CHRM5: variants seen among roughly 807,000 people sequenced by gnomAD.
CHRM5 encodes muscarinic acetylcholine receptor M5.
Under a neutral mutation model 39.0 loss-of-function variants are expected in CHRM5, and 18 were observed. That is an observed-to-expected ratio of 0.46 (90% confidence interval 0.32 to 0.68). The LOEUF (loss-of-function observed/expected upper bound fraction) is 0.68. Ranked by LOEUF, CHRM5 falls within the 30% of genes least tolerant of loss-of-function variation. The pLI, the probability that CHRM5 is intolerant of heterozygous loss-of-function variation, is 0.04. For synonymous variants in CHRM5, 241 were observed against 246.3 expected, an observed-to-expected ratio of 0.98 and a Z score of 0.20; for missense variants, 515 against 651.1, an observed-to-expected ratio of 0.79 and a Z score of 2.28.
intron 1 of CHRM5, among the ~76,000 whole-genome samples, chr15:34,003,731 T>A (rs1897226267): frequency 6.6e-6 from 1 of 152,236 alleles, no homozygotes; most frequent in Non-Finnish European, 1.5e-5. Context: ...CAATGACTTG[T>A]GAAATGGAGT....
intron 1 of CHRM5, among the ~76,000 whole-genome samples, chr15:34,006,746 CAG>C (rs757951317): frequency 1.2e-3 from 179 of 152,200 alleles, no homozygotes; most frequent in Middle Eastern, 3.4e-3. Flanking sequence ...AATGCAGAGA[CAG>C]AGTTGTCATT....
chr15:34,047,241 C>G (rs1054873009), intron 2 of CHRM5, among the ~76,000 whole-genome samples: 6 of 152,058 alleles, frequency 3.9e-5, no homozygotes, highest in African/African-American at 1.4e-4. Flanking sequence ...CCATGCCCTG[C>G]TAACTTTTTG....
Position 34,064,036 on chromosome 15 carries a change from C to G in CHRM5, c.1319C>G (p.Ala440Gly). 6.2e-7 allele frequency: 1 copy of G among 1,614,168 alleles called. No homozygotes were observed. Among genetic ancestry groups the G allele is most frequent in the Non-Finnish European group, 8.5e-7 (1 of 1,180,028 alleles). Residue 440 changes from alanine to glycine, a missense_variant, in exon 3 of 3, where the codon GCA becomes GGA. By Grantham distance (60) the Ala-to-Gly change is moderately conservative. Transcript: ENST00000383263. ...KRVVLVKERK[A>G]AQTLSAILLA... is the part of the protein sequence containing the mutation. ...GTGGTCCTAGTCAAAGAGAGGAAAGCAGCCCAGACACTGAGTGCCATTCTC... is the reference window on the plus strand; with the variant it reads ...GTGGTCCTAGTCAAAGAGAGGAAAGGAGCCCAGACACTGAGTGCCATTCTC...
chr15:34,056,024 G>C (rs1171330819), intron 2 of CHRM5, among the ~76,000 whole-genome samples: 2 of 152,070 alleles, frequency 1.3e-5, no homozygotes, highest in Non-Finnish European at 2.9e-5. Context: ...AGCCTAAGCA[G>C]GTATTGTTAT....
chr15:34,060,696 C>T (rs1302808223), intron 2 of CHRM5, among the ~76,000 whole-genome samples: 9 of 152,108 alleles, frequency 5.9e-5, no homozygotes, highest in African/African-American at 1.9e-4. Context: ...GCCAACATGG[C>T]GAAACCTCAT....
intron 1 of CHRM5, among the ~76,000 whole-genome samples, chr15:34,006,812 G>A (rs1432344967): frequency 1.3e-5 from 2 of 152,156 alleles, no homozygotes; most frequent in Non-Finnish European, 2.9e-5. Flanking sequence ...AAAAAGTTTA[G>A]AAGACATTTG....
intron 1 of CHRM5, among the ~76,000 whole-genome samples, chr15:34,013,804 T>C (rs772131629): frequency 3.9e-5 from 6 of 152,026 alleles, no homozygotes; most frequent in African/African-American, 7.2e-5. Context: ...AGCAGGAGGA[T>C]GACATCACAG....
intron 1 of CHRM5, among the ~76,000 whole-genome samples, chr15:34,045,683 C>T (rs950928442): frequency 1.3e-5 from 2 of 151,816 alleles, no homozygotes; most frequent in African/African-American, 4.8e-5. Flanking sequence ...AGGACAGGTT[C>T]AGGCATAAAG....
intron 1 of CHRM5, among the ~76,000 whole-genome samples, chr15:34,006,366 C>G (rs1266942272): frequency 1.3e-5 from 2 of 151,316 alleles, no homozygotes; most frequent in African/African-American, 4.9e-5. Flanking sequence ...AGAACTAGAG[C>G]TGAAAACACC....
intron 1 of CHRM5, among the ~76,000 whole-genome samples, chr15:34,014,378 AAAAAAACAAAAAC>A (rs1031650244): frequency 6.0e-5 from 7 of 116,234 alleles, no homozygotes; most frequent in African/African-American, 8.7e-5. Flanking sequence ...AAAAAAAAAA[AAAAAAACAAAAAC>A]AAAAACCACG....
intron 1 of CHRM5, among the ~76,000 whole-genome samples, chr15:34,043,241 C>T (rs1048784906): frequency 5.4e-5 from 8 of 148,700 alleles, no homozygotes; most frequent in African/African-American, 1.8e-4. Context: ...AGCAAGAATC[C>T]GTCTCAAAAA....
chr15:33,989,928 G>A lies in CHRM5; in HGVS notation c.-408+20778G>A, dbSNP rs542033258. 7.9e-5 allele frequency among the ~76,000 whole-genome samples: 12 copies of A among 151,070 alleles called. No individual in the cohort carries two copies. The East Asian group carries it at 9.7e-4, about 12-fold the overall frequency. On this transcript the variant is annotated intron_variant, in intron 1 of 2. Coordinates refer to ENST00000383263, the MANE Select transcript of CHRM5 (RefSeq NM_012125.4). ...TAGAACGTGGTACCCAGATGAGGCC[G>A]GGTTCAGTGGCTCACCTCTAATCCC...
intron 2 of CHRM5, among the ~76,000 whole-genome samples, chr15:34,048,086 G>A (rs902167642): frequency 1.3e-5 from 2 of 152,150 alleles, no homozygotes; most frequent in Non-Finnish European, 2.9e-5. Flanking sequence ...CTGTTGCCCA[G>A]GCTGGTCTGA....
chr15:33,985,617 A>T (rs1020892295), intron 1 of CHRM5, among the ~76,000 whole-genome samples: 1 of 151,982 alleles, frequency 6.6e-6, no homozygotes, highest in African/African-American at 2.4e-5. Flanking sequence ...AGCTCTCCCA[A>T]CAATATTCTG....
intron 2 of CHRM5, among the ~76,000 whole-genome samples, chr15:34,057,964 T>C (rs1354469108): frequency 1.3e-5 from 2 of 152,166 alleles, no homozygotes; most frequent in East Asian, 3.9e-4. Flanking sequence ...GAGAGATTTA[T>C]TTTTATTTTA....
Position 33,974,953 on chromosome 15 carries a change from C to T in CHRM5, c.-408+5803C>T, listed in dbSNP as rs193010948. Among the ~76,000 whole-genome samples, 691 of 152,264 alleles carry T rather than the reference C, an allele frequency of 4.5e-3. 2 individuals carry two copies. Among genetic ancestry groups the T allele is most frequent in the Non-Finnish European group, 6.9e-3 (469 of 68,032 alleles). On this transcript the variant is annotated intron_variant, in intron 1 of 2. Coordinates refer to ENST00000383263, the MANE Select transcript of CHRM5 (RefSeq NM_012125.4). The stretch of plus-strand genomic sequence containing the variant: ...CACCATTACGCTCCAGCCTGAGCAA[C>T]AAGGGCGAAACTCTATCCTGAAGGA...
intron 1 of CHRM5, among the ~76,000 whole-genome samples, chr15:33,999,860 T>A (rs539180053): frequency 6.6e-6 from 1 of 152,226 alleles, no homozygotes; most frequent in African/African-American, 2.4e-5. Flanking sequence ...AGGAGTGTTA[T>A]ATCACTCTTC....
intron 1 of CHRM5, among the ~76,000 whole-genome samples, chr15:33,983,299 T>C (rs1047527552): frequency 2.6e-5 from 4 of 151,746 alleles, no homozygotes; most frequent in Non-Finnish European, 5.9e-5. Flanking sequence ...ATAAGCTTTT[T>C]GTAACTGATT....
chr15:34,016,172 T>C lies in CHRM5; in HGVS notation c.-407-30368T>C, dbSNP rs546416127. ...ACGCCTGTAATTCCAGCTACTCGGT[T>C]ACAGTGAGCCAAGATCGTGCCATTG... is the stretch of plus-strand genomic sequence containing the variant. On this transcript the variant is annotated intron_variant, in intron 1 of 2. Coordinates refer to ENST00000383263, the MANE Select transcript of CHRM5 (RefSeq NM_012125.4). Among the ~76,000 whole-genome samples, 26 of 152,178 alleles carry C rather than the reference T, an allele frequency of 1.7e-4. No homozygotes were observed. In the South Asian group the frequency reaches 4.8e-3, roughly 28 times the overall value.
Sources: allele counts gnomAD v4.1 joint callset (sites outside exome capture counted in the v4.1 genomes callset), GRCh38; gene constraint gnomAD v4.1.1; transcripts MANE v1.5; gene names NCBI Gene and HGNC (gene_info 2026-07-23, HGNC 2026-07-21).